THSD7B: variants seen among roughly 807,000 people sequenced by gnomAD.
THSD7B encodes the protein thrombospondin type-1 domain-containing protein 7B.
A neutral mutation model predicts 213.6 loss-of-function variants in THSD7B; 138 were observed. That is an observed-to-expected ratio of 0.65 (90% CI 0.56 to 0.74). THSD7B has a LOEUF of 0.74. Among genes scored for constraint, THSD7B ranks in the 30% least tolerant of loss-of-function variants. The pLI is 0.00. For missense variants in THSD7B, 1,931 were observed against 1,991.5 expected, an observed-to-expected ratio of 0.97 and a Z score of 0.58; for synonymous variants, 742 against 687.0, an observed-to-expected ratio of 1.08 and a Z score of -1.25.
chr2:137,252,290 A>G (rs1457807875), intron 10 of THSD7B, among the ~76,000 whole-genome samples: 3 of 150,588 alleles, frequency 2.0e-5, no homozygotes, highest in Non-Finnish European at 4.4e-5. Context: ...AAAAAAAAAA[A>G]CAAAGGGTTG....
intron 14 of THSD7B, among the ~76,000 whole-genome samples, chr2:137,421,866 A>G (rs2105027273): frequency 6.6e-6 from 1 of 152,278 alleles, no homozygotes; most frequent in Middle Eastern, 3.4e-3. Flanking sequence ...AAGCCAGGAA[A>G]CCTGGATGAA....
In THSD7B at chr2:136,975,540, T is replaced by G. The variant is rs1685467295; in HGVS notation, c.140-80880T>G. On this transcript the variant is annotated intron_variant, in intron 2 of 27. Transcript: ENST00000409968. ...TGAGGTCTCTATTCTGTTCCATTGG[T>G]CTATGTGTCTGTTTTTGCATCAGTA... Among the ~76,000 whole-genome samples, 4 of 152,180 alleles carry G rather than the reference T, an allele frequency of 2.6e-5. No individual in the cohort carries two copies. In the South Asian group the frequency reaches 8.3e-4, roughly 31 times the overall value.
At chr2:137,487,591 G>T (rs1005285819) in intron 15 of THSD7B, among the ~76,000 whole-genome samples, 10 of 151,574 alleles carry the variant, frequency 6.6e-5, no homozygotes, top group East Asian at 5.8e-4. Flanking sequence ...AGAAAAGAGA[G>T]AAGAATCAAA....
chr2:137,158,646 G>T (rs1225410781), intron 5 of THSD7B, among the ~76,000 whole-genome samples: 4 of 150,272 alleles, frequency 2.7e-5, no homozygotes, highest in Admixed American at 6.6e-5. Context: ...TTTCCCCATG[G>T]GTTGCAACTT....
At chr2:136,766,354 G>T (rs1434367644) in intron 1 of THSD7B, among the ~76,000 whole-genome samples, 2 of 149,520 alleles carry the variant, frequency 1.3e-5, no homozygotes, top group East Asian at 4.1e-4. Context: ...GCTCGGACGT[G>T]ATATCCTGCT....
At chr2:137,365,794 G>T (rs959134248) in intron 12 of THSD7B, among the ~76,000 whole-genome samples, 3 of 152,188 alleles carry the variant, frequency 2.0e-5, no homozygotes, top group Non-Finnish European at 4.4e-5. Flanking sequence ...CTGTTGGTGG[G>T]ACTGTAAACT....
At chr2:137,465,453 T>C (rs1170207573) in intron 15 of THSD7B, among the ~76,000 whole-genome samples, 1 of 152,096 alleles carries the variant, frequency 6.6e-6, no homozygotes, top group African/African-American at 2.4e-5. Context: ...TATCTAGTAA[T>C]GTGATCCAAC....
intron 12 of THSD7B, among the ~76,000 whole-genome samples, chr2:137,325,079 T>C (rs1467466575): frequency 6.6e-6 from 1 of 152,266 alleles, no homozygotes; most frequent in Admixed American, 6.5e-5. Context: ...GTTGTTGCTA[T>C]AGAAAGAAGT....
At chr2:137,373,415 T>C (rs71419543) in intron 12 of THSD7B, among the ~76,000 whole-genome samples, 1,946 of 152,326 alleles carry the variant, frequency 0.013, 19 homozygotes, top group Non-Finnish European at 0.02. Context: ...TGGTATCTCA[T>C]TGTGGTTTTG....
chr2:136,972,047 G>C (rs1441682600), intron 2 of THSD7B, among the ~76,000 whole-genome samples: 1 of 152,078 alleles, frequency 6.6e-6, no homozygotes, highest in Admixed American at 6.6e-5. Flanking sequence ...AACCTTTCCT[G>C]GTAGCTCCCC....
intron 15 of THSD7B, among the ~76,000 whole-genome samples, chr2:137,533,267 C>T (rs2105182203): frequency 6.6e-6 from 1 of 151,828 alleles, no homozygotes; most frequent in Middle Eastern, 3.4e-3. Context: ...TATAACGTGC[C>T]TCTCCAGGAT....
chr2:137,130,890 AC>A (rs1473916350), intron 5 of THSD7B, among the ~76,000 whole-genome samples: 1 of 150,260 alleles, frequency 6.7e-6, no homozygotes, highest in Non-Finnish European at 1.5e-5. Flanking sequence ...TTGGGTATAT[AC>A]CCAGTAATGG....
intron 7 of THSD7B, among the ~76,000 whole-genome samples, chr2:137,211,365 C>CACACACACACACACACACACACACAT (rs11274625): frequency 1.6e-4 from 14 of 89,546 alleles, no homozygotes; most frequent in East Asian, 1.5e-3. Context: ...CACACACACA[C>CACACACACACACACACACACACACAT]GGAATATATT....
chr2:137,381,645 A>G (rs533263696), intron 12 of THSD7B, among the ~76,000 whole-genome samples: 2 of 152,362 alleles, frequency 1.3e-5, no homozygotes, highest in African/African-American at 2.4e-5. Flanking sequence ...TGGGGCCTCA[A>G]TGAGTGACAC....
chr2:137,359,034 A>G (rs1011391732), intron 12 of THSD7B, among the ~76,000 whole-genome samples: 2 of 152,218 alleles, frequency 1.3e-5, no homozygotes, highest in Admixed American at 6.5e-5. Flanking sequence ...GATACGCTTT[A>G]TCTGTAGATG....
rs371202076 is a variant in THSD7B, at chr2:136,941,027, C to A, written c.139+58710C>A. Among the ~76,000 whole-genome samples the A allele has an allele frequency of 1.5e-3, 229 of 152,018 alleles. 15 individuals are homozygous for A. In the South Asian group the frequency reaches 0.045, roughly 30 times the overall value. The stretch of plus-strand genomic sequence containing the variant: ...TCCAGCCCCCCACCCCATGACAGGC[C>A]CCAGTGTGTGATGTTCCCCTCCCTG... On this transcript the variant is annotated intron_variant, in intron 2 of 27. Transcript: ENST00000409968.
intron 15 of THSD7B, among the ~76,000 whole-genome samples, chr2:137,476,321 AT>A (rs1688190902): frequency 6.6e-6 from 1 of 152,042 alleles, no homozygotes; most frequent in Admixed American, 6.6e-5. Context: ...TAGTATAATA[AT>A]ATGGTTCCGT....
chr2:137,327,907 T>A (rs1254712573), intron 12 of THSD7B, among the ~76,000 whole-genome samples: 4 of 151,814 alleles, frequency 2.6e-5, no homozygotes, highest in African/African-American at 9.7e-5. Context: ...GTGAAAGGTA[T>A]GCTGACATTT....
chr2:137,560,814 A>G (rs543449816), intron 15 of THSD7B, among the ~76,000 whole-genome samples: 1 of 152,076 alleles, frequency 6.6e-6, no homozygotes, highest in Admixed American at 6.6e-5. Context: ...ATGTGTCCCT[A>G]ACAACACCAC....
Sources: gnomAD v4.1 joint callset for allele counts (sites outside exome capture counted in the v4.1 genomes callset) on GRCh38, gnomAD v4.1.1 for gene constraint, MANE v1.5 for transcripts, NCBI Gene and HGNC (gene_info 2026-07-23, HGNC 2026-07-21) for gene names.